RNF24: variants seen among roughly 807,000 people sequenced by gnomAD.
RNF24 encodes ring finger protein 24.
In RNF24, 14 loss-of-function variants were observed where a neutral mutation model predicts 20.0. The observed-to-expected ratio is 0.70, with a 90% CI of 0.46 to 1.10. RNF24 has a LOEUF of 1.10. RNF24 is among the 50% of genes least tolerant of loss of function. The probability of loss-of-function intolerance (pLI) is 0.00; values close to 1 mark genes in which losing one functional copy is unlikely to be tolerated. For missense variants in RNF24, 124 were observed against 177.6 expected (o/e 0.70, Z 1.71); for synonymous variants, 45 against 61.1 (o/e 0.74, Z 1.23).
At chr20:4,010,156 C>T (rs370499577) in intron 1 of RNF24, among the ~76,000 whole-genome samples, 14 of 152,196 alleles carry the variant, frequency 9.2e-5, no homozygotes, top group Admixed American at 1.3e-4. Flanking sequence ...AGGCAGATCA[C>T]GAGGTCAGGA....
intron 1 of RNF24, among the ~76,000 whole-genome samples, chr20:4,002,080 A>G (rs1981444340): frequency 6.6e-6 from 1 of 151,788 alleles, no homozygotes; most frequent in Admixed American, 6.6e-5. Context: ...ATGAAACCCC[A>G]TCTCTACCAA....
intron 1 of RNF24, among the ~76,000 whole-genome samples, chr20:4,013,125 C>T (rs1982596414): frequency 6.6e-6 from 1 of 151,830 alleles, no homozygotes; most frequent in Non-Finnish European, 1.5e-5. Flanking sequence ...ACCAAAACAT[C>T]CCCAATTGAA....
chr20:4,003,884 T>A (rs777936601), intron 1 of RNF24, among the ~76,000 whole-genome samples: 2 of 151,974 alleles, frequency 1.3e-5, no homozygotes, highest in Non-Finnish European at 2.9e-5. Flanking sequence ...CCTCAAGTGA[T>A]CTACCCCACC....
At chr20:3,969,732 T>C (rs1250162795) in intron 1 of RNF24, among the ~76,000 whole-genome samples, 1 of 150,862 alleles carries the variant, frequency 6.6e-6, no homozygotes, top group African/African-American at 2.4e-5. Flanking sequence ...GCCATCTTGC[T>C]GGGATAGTGT....
At chr20:3,941,333 T>C (rs1354520076) in intron 4 of RNF24, among the ~76,000 whole-genome samples, 6 of 152,158 alleles carry the variant, frequency 3.9e-5, no homozygotes, top group Non-Finnish European at 1.5e-5. Flanking sequence ...GATTTTTCAA[T>C]GTATATAGAC....
intron 4 of RNF24, among the ~76,000 whole-genome samples, chr20:3,939,594 G>A (rs1290712131): frequency 1.3e-5 from 2 of 152,176 alleles, no homozygotes; most frequent in East Asian, 3.8e-4. Context: ...ATTAAAAACT[G>A]TAGCTTTGTA....
intron 2 of RNF24, among the ~76,000 whole-genome samples, chr20:3,958,776 G>A (rs1008013346): frequency 6.6e-6 from 1 of 152,132 alleles, no homozygotes. Flanking sequence ...TGAGTAGCTG[G>A]GATTACAGGC....
chr20:4,014,045 G>T (rs1043127191), intron 1 of RNF24, among the ~76,000 whole-genome samples: 2 of 152,222 alleles, frequency 1.3e-5, no homozygotes, highest in African/African-American at 4.8e-5. Context: ...CAGGCAGGCA[G>T]TCTGACAGAG....
chr20:3,988,333 A>G (rs1980111294), intron 1 of RNF24, among the ~76,000 whole-genome samples: 1 of 152,144 alleles, frequency 6.6e-6, no homozygotes, highest in African/African-American at 2.4e-5. Flanking sequence ...CAAAAAAATA[A>G]ATAAATAAAA....
intron 1 of RNF24, among the ~76,000 whole-genome samples, chr20:3,983,918 G>A (rs917253146): frequency 6.2e-5 from 9 of 145,196 alleles, no homozygotes; most frequent in Admixed American, 1.4e-4. Flanking sequence ...TCCAGCCTGG[G>A]TGACAGAGTG....
intron 3 of RNF24, 75 bp downstream of exon 3, chr20:3,948,162 A>G (rs1483931614): frequency 1.9e-6 from 2 of 1,045,468 alleles, no homozygotes; most frequent in Non-Finnish European, 2.9e-6. Context: ...AGTTTAACGT[A>G]TGAGTGGAAA....
intron 1 of RNF24, among the ~76,000 whole-genome samples, chr20:3,979,091 C>CA (rs11472696): frequency 0.17 from 17,525 of 101,492 alleles, 1,418 homozygotes; most frequent in Non-Finnish European, 0.24. Flanking sequence ...GAGACTCTGT[C>CA]AAAAAAAAAA....
chr20:3,967,973 C>CATGAAA (rs2091275942), intron 1 of RNF24, among the ~76,000 whole-genome samples: 1 of 77,180 alleles, frequency 1.3e-5, no homozygotes, highest in Non-Finnish European at 2.5e-5. Flanking sequence ...AGCCTGGCAA[C>CATGAAA]AAAAAAAAAA....
At chr20:3,982,076 C>T (rs998150774) in intron 1 of RNF24, among the ~76,000 whole-genome samples, 2 of 143,892 alleles carry the variant, frequency 1.4e-5, no homozygotes, top group African/African-American at 5.3e-5. Context: ...CCACTGCACT[C>T]CAGCCTGGGC....
chr20:3,933,029 AT>A lies in RNF24; in HGVS notation c.*1033del, dbSNP rs2090842990. 3 of 334,388 alleles carry A rather than the reference AT, an allele frequency of 9.0e-6. No homozygotes were observed. In the Admixed American group the frequency reaches 1.6e-4, roughly 18 times the overall value. 20.7% of individuals were successfully genotyped at this position (334,388 alleles called of 1,614,324 possible). The stretch of plus-strand genomic sequence containing the variant: ...AGCTTCAGAATTACACAGGGATCTT[AT>A]TTGGGATAAAGTGTTAAAAAGTGAA... On this transcript the variant is annotated 3_prime_UTR_variant, in exon 6 of 6. Coordinates refer to ENST00000358395, the MANE Select transcript of RNF24 (RefSeq NM_001134337.3).
chr20:3,930,630 C>T lies in RNF24; in HGVS notation c.*3433G>A, dbSNP rs943546544. 5.3e-5 allele frequency: 8 copies of T among 152,266 alleles called. No homozygotes were observed. Among genetic ancestry groups the T allele is most frequent in the African/African-American group, 1.9e-4 (8 of 41,424 alleles). 9.4% of individuals were successfully genotyped at this position (152,266 alleles called of 1,614,324 possible). A position where few individuals can be genotyped will look rare whatever the true frequency, so the allele number is the denominator to read the frequency against. Reference sequence around the variant, plus strand: ...TCTGCCTGGAGCTCTGGGTATACTGCCCTGGATGTATCAGGATGTATTTCA... The same window carrying T: ...TCTGCCTGGAGCTCTGGGTATACTGTCCTGGATGTATCAGGATGTATTTCA... On this transcript the variant is annotated 3_prime_UTR_variant, in exon 6 of 6. Coordinates refer to ENST00000358395, the MANE Select transcript of RNF24 (RefSeq NM_001134337.3).
At chr20:3,957,158 C>G (rs2091151726) in intron 2 of RNF24, among the ~76,000 whole-genome samples, 1 of 152,026 alleles carries the variant, frequency 6.6e-6, no homozygotes, top group South Asian at 2.1e-4. Context: ...ATTAGCCAGG[C>G]ATGGTGGTAC....
chr20:3,974,334 C>A (rs538556895), intron 1 of RNF24: 80 of 1,550,746 alleles, frequency 5.2e-5, no homozygotes, highest in Non-Finnish European at 6.5e-5. Context: ...ATACTTACCC[C>A]CCTAAGACCG....
At chr20:3,961,206 A>G (rs992949621) in intron 2 of RNF24, among the ~76,000 whole-genome samples, 1 of 152,146 alleles carries the variant, frequency 6.6e-6, no homozygotes, top group Non-Finnish European at 1.5e-5. Flanking sequence ...GTTGGAGACC[A>G]GTCTGGAAAA....
Sources: allele counts gnomAD v4.1 joint callset (sites outside exome capture counted in the v4.1 genomes callset), GRCh38; gene constraint gnomAD v4.1.1; transcripts MANE v1.5; gene names NCBI Gene and HGNC (gene_info 2026-07-23, HGNC 2026-07-21).